Variants in CFAP206 observed in about 807,000 individuals in gnomAD.
CFAP206 encodes the protein cilia and flagella associated protein 206.
Under a neutral mutation model 65.4 loss-of-function variants are expected in CFAP206, and 53 were observed. That is an observed-to-expected ratio of 0.81 (90% CI 0.65 to 1.02). CFAP206 has a LOEUF of 1.02. CFAP206 is among the 50% of genes least tolerant of loss of function. The probability of loss-of-function intolerance (pLI) is 0.00; values close to 1 mark genes in which losing one functional copy is unlikely to be tolerated. For missense variants in CFAP206, 663 were observed against 753.2 expected, an observed-to-expected ratio of 0.88 and a Z score of 1.40; for synonymous variants, 250 against 254.4, an observed-to-expected ratio of 0.98 and a Z score of 0.17.
At chr6:87,456,698 C>T (rs1768648531) in intron 11 of CFAP206, among the ~76,000 whole-genome samples, 1 of 152,174 alleles carries the variant, frequency 6.6e-6, no homozygotes, top group Non-Finnish European at 1.5e-5. Context: ...ATACAAAAAT[C>T]AGTAGCATTT....
At chr6:87,421,464 C>T (rs1183435702) in intron 7 of CFAP206, among the ~76,000 whole-genome samples, 2 of 151,688 alleles carry the variant, frequency 1.3e-5, no homozygotes, top group African/African-American at 2.4e-5. Flanking sequence ...CCAGCCTGGG[C>T]GACAGAGTGA....
intron 7 of CFAP206, among the ~76,000 whole-genome samples, chr6:87,423,198 C>T (rs1767976013): frequency 1.3e-5 from 2 of 151,868 alleles, no homozygotes; most frequent in East Asian, 1.9e-4. Flanking sequence ...GGATTACAGG[C>T]GTGAGCCACT....
intron 11 of CFAP206, among the ~76,000 whole-genome samples, chr6:87,457,552 G>A (rs1159470963): frequency 6.6e-6 from 1 of 152,142 alleles, no homozygotes; most frequent in African/African-American, 2.4e-5. Context: ...AAGGTGCCAA[G>A]AATATACGTT....
rs776338520 is a variant in CFAP206 at position 87,436,230 on chromosome 6, C to T, written c.1494+1177C>T. Among the ~76,000 whole-genome samples, 7 of 151,748 alleles carry T rather than the reference C, an allele frequency of 4.6e-5. No individual in the cohort carries two copies. In the South Asian group the frequency reaches 8.3e-4, roughly 18 times the overall value. ...CTTTCTGAGTAGCTGGAACTATAGG[C>T]GGACACCATCACGCCTGGCTAATTT... On this transcript the variant is annotated intron_variant, in intron 11 of 12. Coordinates refer to ENST00000369562, the MANE Select transcript of CFAP206 (RefSeq NM_001031743.3).
At chr6:87,433,729 A>G (rs889913583) in intron 10 of CFAP206, among the ~76,000 whole-genome samples, 5 of 152,254 alleles carry the variant, frequency 3.3e-5, no homozygotes, top group African/African-American at 7.2e-5. Flanking sequence ...TATTTCACAT[A>G]TCATTTAAAA....
chr6:87,437,476 G>A (rs1393224181), intron 11 of CFAP206, among the ~76,000 whole-genome samples: 14 of 151,828 alleles, frequency 9.2e-5, no homozygotes. Context: ...AGTTGCAAAT[G>A]TCTTTTCCCA....
rs761097527 is a variant in CFAP206 at position 87,428,684 on chromosome 6, T to G, written c.1019T>G (p.Val340Gly). The change falls in exon 9 of 13, where the codon GTT becomes GGT. Residue 340 changes from valine to glycine, a missense_variant. Val to Gly is a moderately radical substitution (Grantham distance 109). Coordinates refer to ENST00000369562, the MANE Select transcript of CFAP206 (RefSeq NM_001031743.3). ...WTSLQDETIVVGVLSNLFTHI... is the reference protein window; with the variant it reads ...WTSLQDETIVGGVLSNLFTHI... ...AGCTTGCAAGACGAAACTATTGTGG[T>G]TGGTGTCCTCAGTAATTTATTCACT... 1 of 1,614,182 alleles carries G rather than the reference T, an allele frequency of 6.2e-7. No homozygotes were observed. The highest frequency in any genetic ancestry group is 1.7e-5 in the Admixed American group (1 of 60,010).
At position 87,409,936 on chromosome 6, in the gene CFAP206, A is replaced by T; in HGVS notation, c.97A>T (p.Ile33Phe). The change falls in exon 2 of 13, where the codon ATT becomes TTT. Residue 33 changes from isoleucine (I) to phenylalanine (F), a missense_variant. By Grantham distance (21) the Ile-to-Phe change is conservative (BLOSUM62 0). Transcript: ENST00000369562. ...TGGAGAGATTGTTTCTGAAACTCTG[A>T]TTGCTTTTATGGTAAGAAGAAATAT... ...AHGEIVSETL[I>F]AFMVKAVVLD... The T allele has an allele frequency of 1.2e-6, 2 of 1,606,014 alleles. No individual in the cohort carries two copies. The highest frequency in any genetic ancestry group is 3.3e-4 in the Middle Eastern group (2 of 6,042).
At chr6:87,429,977 G>GTA (rs1223540169) in intron 9 of CFAP206, among the ~76,000 whole-genome samples, 1 of 152,128 alleles carries the variant, frequency 6.6e-6, no homozygotes, top group Non-Finnish European at 1.5e-5. Context: ...CTCCAACAGT[G>GTA]TATATTAAGC....
intron 11 of CFAP206, among the ~76,000 whole-genome samples, chr6:87,446,011 T>A (rs143135789): frequency 2.6e-4 from 39 of 152,342 alleles, no homozygotes; most frequent in African/African-American, 8.2e-4. Context: ...TTTTGATAAG[T>A]GTCTGTTCAT....
intron 11 of CFAP206, chr6:87,444,496 C>T (rs768321773): frequency 5.6e-5 from 13 of 233,058 alleles, no homozygotes; most frequent in Non-Finnish European, 8.0e-5. Flanking sequence ...TAGGCCACAT[C>T]CTAGAAGGCC....
At chr6:87,421,562 T>C (rs1767942019) in intron 7 of CFAP206, among the ~76,000 whole-genome samples, 1 of 152,204 alleles carries the variant, frequency 6.6e-6, no homozygotes, top group African/African-American at 2.4e-5. Context: ...CTTTATCTTC[T>C]GCAGTGAACA....
At position 87,450,475 on chromosome 6, in the gene CFAP206, A is replaced by ATGTGTGTGTGTG. The variant is rs55870560; in HGVS notation, c.1495-10519_1495-10508dup. ...ATATATTTCCTTTGAATAAATGAAA[A>ATGTGTGTGTGTG]TGTGTGTGTGTGTGTGTGTGTGTGT... is the stretch of plus-strand genomic sequence containing the variant. On this transcript the variant is annotated intron_variant, in intron 11 of 12. Coordinates refer to ENST00000369562, the MANE Select transcript of CFAP206 (RefSeq NM_001031743.3). 3.8e-3 allele frequency among the ~76,000 whole-genome samples: 499 copies of ATGTGTGTGTGTG among 130,384 alleles called. 4 individuals are homozygous for ATGTGTGTGTGTG. Among genetic ancestry groups the ATGTGTGTGTGTG allele is most frequent in the African/African-American group, 8.2e-3 (281 of 34,128 alleles). The allele number at this position is 130,384 out of a possible 152,430, so 85.5% of individuals were successfully genotyped here.
chr6:87,434,841 A>AT lies in CFAP206; in HGVS notation c.1301-17dup. 1 of 1,239,834 alleles carries AT rather than the reference A, an allele frequency of 8.1e-7. No individual in the cohort carries two copies. Among genetic ancestry groups the AT allele is most frequent in the Non-Finnish European group, 1.1e-6 (1 of 887,152 alleles). The allele number at this position is 1,239,834 out of a possible 1,614,324, so 76.8% of individuals were successfully genotyped here. A position where few individuals can be genotyped will look rare whatever the true frequency, so the allele number is the denominator to read the frequency against. On this transcript the variant is annotated intron_variant, in intron 10 of 12. Transcript: ENST00000369562. ...AAGTGATCAAGACATTTCATATCTA[A>AT]TTCTTTTTTTATTTTCAGGAAATCC...
rs1018184524 is a variant in CFAP206 at position 87,416,529 on chromosome 6, A to G, written c.473-140A>G. On this transcript the variant is annotated intron_variant, in intron 5 of 12. Transcript: ENST00000369562. ...CGTGATAAGTTTTATTATGTATCCT[A>G]TAATCAGGTATCAGTAATTTAAAGA... The G allele has an allele frequency of 3.7e-5, 25 of 671,176 alleles. No individual in the cohort carries two copies. In the Middle Eastern group the frequency reaches 1.2e-3, roughly 33 times the overall value. The allele number at this position is 671,176 out of a possible 1,614,324, so 41.6% of individuals were successfully genotyped here. A position where few individuals can be genotyped will look rare whatever the true frequency, so the allele number is the denominator to read the frequency against.
At chr6:87,439,225 G>C (rs1239349473) in intron 11 of CFAP206, among the ~76,000 whole-genome samples, 1 of 152,056 alleles carries the variant, frequency 6.6e-6, no homozygotes, top group African/African-American at 2.4e-5. Flanking sequence ...CATTTGCATA[G>C]TGTTTTTTCC....
chr6:87,409,645 C>T (rs1767694867), intron 1 of CFAP206, among the ~76,000 whole-genome samples, 190 bp from the exon 2 acceptor site: 1 of 150,936 alleles, frequency 6.6e-6, no homozygotes, highest in Non-Finnish European at 1.5e-5. Flanking sequence ...CGTTGTCTGT[C>T]TTCAATAAAG....
chr6:87,445,637 T>C (rs1258186314), intron 11 of CFAP206, among the ~76,000 whole-genome samples: 1 of 152,210 alleles, frequency 6.6e-6, no homozygotes, highest in African/African-American at 2.4e-5. Flanking sequence ...TCCATGTCTT[T>C]GCTATTGTGA....
chr6:87,409,717 A>G, intron 1 of CFAP206, 118 bp from the exon 2 acceptor site: 1 of 635,226 alleles, frequency 1.6e-6, no homozygotes, highest in Non-Finnish European at 2.7e-6. Flanking sequence ...AAATGCTAAT[A>G]AGCTAATAGA....
Sources: allele counts gnomAD v4.1 joint callset (sites outside exome capture counted in the v4.1 genomes callset), GRCh38; gene constraint gnomAD v4.1.1; transcripts MANE v1.5; gene names NCBI Gene and HGNC (gene_info 2026-07-23, HGNC 2026-07-21).